FHIT: variants seen among roughly 807,000 people sequenced by gnomAD.
FHIT encodes bis(5'-adenosyl)-triphosphatase.
Under a neutral mutation model 17.9 loss-of-function variants are expected in FHIT, and 19 were observed. The ratio of observed to expected loss-of-function variants is 1.06; its 90% CI spans 0.74 to 1.56. The LOEUF (loss-of-function observed/expected upper bound fraction) is 1.56. Among genes scored for constraint, FHIT ranks in the 40% most tolerant of loss-of-function variants. FHIT has a pLI of 0.00. For synonymous variants in FHIT, 81 were observed against 69.7 expected (o/e 1.16, Z -0.81); for missense variants, 248 against 189.2 (o/e 1.31, Z -1.82).
intron 5 of FHIT, among the ~76,000 whole-genome samples, chr3:60,103,146 C>G (rs1433444525): frequency 6.6e-6 from 1 of 152,174 alleles, no homozygotes; most frequent in Admixed American, 6.5e-5. Flanking sequence ...GCAGCTCTCT[C>G]TCAGTTTTAC....
intron 8 of FHIT, among the ~76,000 whole-genome samples, chr3:59,862,807 T>C (rs1201603908): frequency 1.3e-5 from 2 of 152,196 alleles, no homozygotes; most frequent in Admixed American, 1.3e-4. Flanking sequence ...TGGGAAACAC[T>C]ATAGATACGT....
At chr3:59,953,829 G>C (rs1009905470) in intron 7 of FHIT, among the ~76,000 whole-genome samples, 1 of 152,214 alleles carries the variant, frequency 6.6e-6, no homozygotes, top group South Asian at 2.1e-4. Context: ...GTAGCATCCT[G>C]TACCCCGAGT....
At chr3:59,980,989 T>C (rs1477274974) in intron 7 of FHIT, among the ~76,000 whole-genome samples, 1 of 152,166 alleles carries the variant, frequency 6.6e-6, no homozygotes, top group African/African-American at 2.4e-5. Flanking sequence ...TGACAACCTT[T>C]GTAGTTATGT....
chr3:60,272,070 C>T lies in FHIT; in HGVS notation c.104-257918G>A, dbSNP rs527696697. ...GCAGCCTGGTTCCAGAGCTCAAGCT[C>T]TACACCACGCTGCAGTACTGCCTCC... On this transcript the variant is annotated intron_variant, in intron 5 of 9. Transcript: ENST00000492590. 8.5e-5 allele frequency among the ~76,000 whole-genome samples: 13 copies of T among 152,300 alleles called. No homozygotes were observed. The South Asian group carries it at 2.5e-3, about 29-fold the overall frequency.
chr3:60,311,045 C>T (rs1708919745), intron 5 of FHIT, among the ~76,000 whole-genome samples: 1 of 152,126 alleles, frequency 6.6e-6, no homozygotes, highest in South Asian at 2.1e-4. Context: ...ATATTATATC[C>T]AGTCCACTGT....
At chr3:60,361,700 A>G (rs888199043) in intron 5 of FHIT, among the ~76,000 whole-genome samples, 1 of 152,180 alleles carries the variant, frequency 6.6e-6, no homozygotes, top group African/African-American at 2.4e-5. Flanking sequence ...CACTGGCCAG[A>G]GAGAGAGACA....
intron 5 of FHIT, among the ~76,000 whole-genome samples, chr3:60,156,961 A>G (rs1700725889): frequency 6.6e-6 from 1 of 152,036 alleles, no homozygotes; most frequent in Admixed American, 6.6e-5. Context: ...TATAAAATAG[A>G]AGTGTTAGAT....
intron 8 of FHIT, among the ~76,000 whole-genome samples, chr3:59,866,944 C>A (rs896778340): frequency 1.3e-5 from 2 of 151,748 alleles, no homozygotes; most frequent in Admixed American, 6.6e-5. Context: ...CTTTGATTAC[C>A]TATTCTCATA....
chr3:59,780,295 A>T (rs1013010726), intron 8 of FHIT, among the ~76,000 whole-genome samples: 1 of 152,232 alleles, frequency 6.6e-6, no homozygotes, highest in Non-Finnish European at 1.5e-5. Context: ...CCAATAAATG[A>T]TAGTGATTGG....
At chr3:61,018,527 T>C (rs6786392) in intron 3 of FHIT, among the ~76,000 whole-genome samples, 135,624 of 152,232 alleles carry the variant, frequency 0.89, 60,500 homozygotes, top group East Asian at 0.99. Context: ...CAAAACTCTC[T>C]GTAGTTCTCA....
intron 4 of FHIT, among the ~76,000 whole-genome samples, chr3:60,586,177 C>G (rs1429525467): frequency 2.0e-5 from 3 of 151,708 alleles, no homozygotes; most frequent in African/African-American, 7.3e-5. Context: ...GTAAAATGAG[C>G]AATAGAAACT....
chr3:60,160,448 G>A (rs766690510), intron 5 of FHIT, among the ~76,000 whole-genome samples: 28 of 152,084 alleles, frequency 1.8e-4, no homozygotes, highest in Non-Finnish European at 3.1e-4. Context: ...ATTTTGCATT[G>A]TTTTTACAAC....
chr3:60,130,784 G>GTGTATACACACATATGTGTGTGTGTGTGT (rs148356992), intron 5 of FHIT, among the ~76,000 whole-genome samples: 1 of 111,628 alleles, frequency 9.0e-6, no homozygotes, highest in Non-Finnish European at 2.0e-5. Context: ...GTGTGTGTGT[G>GTGTATACACACATATGTGTGTGTGTGTGT]GTGTGTATAT....
At chr3:60,465,833 A>C (rs531693991) in intron 5 of FHIT, among the ~76,000 whole-genome samples, 5 of 151,980 alleles carry the variant, frequency 3.3e-5, no homozygotes, top group African/African-American at 1.2e-4. Context: ...TGATTCCTCC[A>C]GTACTTTTTG....
At chr3:60,568,368 A>C (rs908188965) in intron 4 of FHIT, among the ~76,000 whole-genome samples, 2 of 152,070 alleles carry the variant, frequency 1.3e-5, no homozygotes, top group African/African-American at 4.8e-5. Flanking sequence ...CAAAAAACCA[A>C]ATACCGCGTG....
intron 5 of FHIT, among the ~76,000 whole-genome samples, chr3:60,266,237 G>A (rs1706571527): frequency 6.6e-6 from 1 of 151,930 alleles, no homozygotes; most frequent in Non-Finnish European, 1.5e-5. Flanking sequence ...AAAGTACTGA[G>A]ACACATTACA....
intron 5 of FHIT, among the ~76,000 whole-genome samples, chr3:60,242,340 C>T (rs909626210): frequency 6.6e-6 from 1 of 152,014 alleles, no homozygotes; most frequent in African/African-American, 2.4e-5. Context: ...ATATATTTCA[C>T]CCCAAACCGT....
chr3:60,450,229 T>C (rs2031644168), intron 5 of FHIT, among the ~76,000 whole-genome samples: 1 of 144,134 alleles, frequency 6.9e-6, no homozygotes, highest in African/African-American at 2.9e-5. Flanking sequence ...AATAAAGTAT[T>C]AATAATTGCA....
At chr3:60,146,360 T>C (rs561688264) in intron 5 of FHIT, among the ~76,000 whole-genome samples, 132 of 152,036 alleles carry the variant, frequency 8.7e-4, no homozygotes, top group African/African-American at 3.1e-3. Context: ...AATAGGCTAT[T>C]GTATGCTGGG....
Sources: gnomAD v4.1 joint callset for allele counts (sites outside exome capture counted in the v4.1 genomes callset) on GRCh38, gnomAD v4.1.1 for gene constraint, MANE v1.5 for transcripts, NCBI Gene and HGNC (gene_info 2026-07-23, HGNC 2026-07-21) for gene names.